USP46: variants seen among roughly 807,000 people sequenced by gnomAD.
USP46 encodes ubiquitin carboxyl-terminal hydrolase 46.
Under a neutral mutation model 44.4 loss-of-function variants are expected in USP46, and 12 were observed. The ratio of observed to expected loss-of-function variants is 0.27; its 90% CI spans 0.17 to 0.44. The LOEUF is 0.44. USP46 is among the 20% of genes least tolerant of loss of function. USP46 has a pLI of 1.00. For synonymous variants in USP46, 155 were observed against 161.5 expected, an observed-to-expected ratio of 0.96 and a Z score of 0.31; for missense variants, 248 against 444.8, an observed-to-expected ratio of 0.56 and a Z score of 3.98.
At chr4:52,650,008 C>T (rs73248673) in intron 1 of USP46, among the ~76,000 whole-genome samples, 19,150 of 152,212 alleles carry the variant, frequency 0.13, 1,215 homozygotes, top group African/African-American at 0.16. Context: ...GTCAATAAAG[C>T]TCCAATTGGT....
At chr4:52,630,646 G>A (rs1717782668) in intron 2 of USP46, among the ~76,000 whole-genome samples, 1 of 151,554 alleles carries the variant, frequency 6.6e-6, no homozygotes. Context: ...GCTGAGGTAG[G>A]AGATCGCTTG....
intron 7 of USP46, among the ~76,000 whole-genome samples, chr4:52,601,565 ATT>A (rs1716473195): frequency 6.6e-6 from 1 of 152,198 alleles, no homozygotes; most frequent in Non-Finnish European, 1.5e-5. Flanking sequence ...TAGCATAGAC[ATT>A]TATTTCTCCA....
intron 1 of USP46, among the ~76,000 whole-genome samples, chr4:52,650,355 G>T (rs1375388285): frequency 6.6e-6 from 1 of 152,182 alleles, no homozygotes; most frequent in African/African-American, 2.4e-5. Flanking sequence ...AAAGCTACAC[G>T]ATTTTATCCA....
chr4:52,622,504 T>G (rs1407319854), intron 4 of USP46, among the ~76,000 whole-genome samples: 1 of 152,206 alleles, frequency 6.6e-6, no homozygotes, highest in Non-Finnish European at 1.5e-5. Context: ...TTTCATTTAT[T>G]TATTCACTCA....
At chr4:52,647,736 T>C (rs867865113) in intron 1 of USP46, among the ~76,000 whole-genome samples, 4 of 152,344 alleles carry the variant, frequency 2.6e-5, no homozygotes, top group South Asian at 4.1e-4. Context: ...CTAGTTCTCC[T>C]TGACTGAAAA....
At chr4:52,632,888 A>G (rs1220985295) in intron 1 of USP46, among the ~76,000 whole-genome samples, 1 of 136,200 alleles carries the variant, frequency 7.3e-6, no homozygotes, top group East Asian at 2.2e-4. Flanking sequence ...AAAAGGAAGG[A>G]AGGAAGGAAG....
chr4:52,621,831 G>A (rs1178914873), intron 4 of USP46, among the ~76,000 whole-genome samples: 1 of 152,176 alleles, frequency 6.6e-6, no homozygotes, highest in Non-Finnish European at 1.5e-5. Flanking sequence ...ATAGTTTGTA[G>A]CAGCACTGTC....
chr4:52,645,853 T>C (rs911081623), intron 1 of USP46, among the ~76,000 whole-genome samples: 1 of 152,158 alleles, frequency 6.6e-6, no homozygotes, highest in African/African-American at 2.4e-5. Context: ...GCTGTTCTCA[T>C]GATAGTGAGT....
At chr4:52,628,225 A>AGTG in intron 2 of USP46, 62 bp from the exon 3 acceptor site, 1 of 1,546,176 alleles carries the variant, frequency 6.5e-7, no homozygotes, top group Non-Finnish European at 8.8e-7. Context: ...CTCTGGAATA[A>AGTG]GTGGTGAGGG....
rs17051626 is a variant in USP46, at chr4:52,624,326, T to C, written c.561+1692A>G. Among the ~76,000 whole-genome samples the C allele has an allele frequency of 9.3e-3, 1,422 of 152,290 alleles. 19 individuals carry two copies. The highest frequency in any genetic ancestry group is 0.032 in the African/African-American group (1,340 of 41,552). On this transcript the variant is annotated intron_variant, in intron 4 of 8. Transcript: ENST00000441222. ...GGGAGGGAAGATCTCTGGATACTTA[T>C]TGGCATATTTATGTGCAGAAAGTGT...
intron 4 of USP46, among the ~76,000 whole-genome samples, chr4:52,613,721 C>CAAAAA (rs59351260): frequency 1.0e-4 from 8 of 76,986 alleles, no homozygotes; most frequent in East Asian, 4.1e-4. Flanking sequence ...GACTCCATCT[C>CAAAAA]AAAAAAAAAA....
At chr4:52,601,790 G>T in intron 7 of USP46, 67 bp downstream of exon 7, 1 of 1,518,158 alleles carries the variant, frequency 6.6e-7, no homozygotes, top group Non-Finnish European at 8.9e-7. Flanking sequence ...GGTGCAGCTG[G>T]GTATACTTCA....
chr4:52,637,355 C>G (rs1718155953), intron 1 of USP46, among the ~76,000 whole-genome samples: 1 of 152,200 alleles, frequency 6.6e-6, no homozygotes, highest in Non-Finnish European at 1.5e-5. Flanking sequence ...CCAACTCTTT[C>G]TCGGCAGCCT....
intron 1 of USP46, chr4:52,655,343 T>C (rs1305901309): frequency 6.6e-6 from 1 of 152,208 alleles, no homozygotes; most frequent in Non-Finnish European, 1.5e-5. Flanking sequence ...AACACCAACA[T>C]AGCAGGTCCT....
rs1425932971 is a variant in USP46 at position 52,597,009 on chromosome 4, G to C, written c.*631C>G. The stretch of plus-strand genomic sequence containing the variant: ...TAGCCCCTGGAATTGTAATGGCTAG[G>C]TCAGCACAGCCCAGTGCCAATGCCA... On this transcript the variant is annotated 3_prime_UTR_variant, in exon 9 of 9. Coordinates refer to ENST00000441222, the MANE Select transcript of USP46 (RefSeq NM_022832.4). The C allele has an allele frequency of 6.5e-6, 1 of 152,732 alleles. No homozygotes were observed. The highest frequency in any genetic ancestry group is 1.5e-5 in the Non-Finnish European group (1 of 68,142). 9.5% of individuals were successfully genotyped at this position (152,732 alleles called of 1,614,324 possible). A position where few individuals can be genotyped will look rare whatever the true frequency, so the allele number is the denominator to read the frequency against.
At chr4:52,606,723 A>G (rs1219199655) in intron 5 of USP46, among the ~76,000 whole-genome samples, 2 of 152,162 alleles carry the variant, frequency 1.3e-5, no homozygotes, top group Non-Finnish European at 2.9e-5. Flanking sequence ...ATGAACCCTA[A>G]CCAACAGTCT....
At chr4:52,629,105 G>A (rs1281379292) in intron 2 of USP46, among the ~76,000 whole-genome samples, 1 of 152,232 alleles carries the variant, frequency 6.6e-6, no homozygotes, top group Non-Finnish European at 1.5e-5. Context: ...GAAATGCTAT[G>A]TAAGATTAAA....
chr4:52,651,579 G>A, intron 1 of USP46, among the ~76,000 whole-genome samples: 1 of 152,136 alleles, frequency 6.6e-6, no homozygotes, highest in Non-Finnish European at 1.5e-5. Flanking sequence ...TATTCAAGCA[G>A]ATCCAGATAA....
At chr4:52,597,822 A>G in intron 8 of USP46, 81 bp from the exon 9 acceptor site, 3 of 1,006,404 alleles carry the variant, frequency 3.0e-6, no homozygotes, top group Non-Finnish European at 4.3e-6. Context: ...TGGAATATAT[A>G]TTAAAATGCA....
Sources: gnomAD v4.1 joint callset for allele counts (sites outside exome capture counted in the v4.1 genomes callset) on GRCh38, gnomAD v4.1.1 for gene constraint, MANE v1.5 for transcripts, NCBI Gene and HGNC (gene_info 2026-07-23, HGNC 2026-07-21) for gene names.